Variants in WDR41 observed in about 807,000 individuals in gnomAD.
WDR41 encodes WD repeat-containing protein 41.
In WDR41, 63 loss-of-function variants were observed where a neutral mutation model predicts 69.3. The ratio of observed to expected loss-of-function variants is 0.91; its 90% CI spans 0.74 to 1.12. The LOEUF is 1.12. Ranked by LOEUF, WDR41 falls within the 50% of genes most tolerant of loss-of-function variation. WDR41 has a pLI of 0.00. For missense variants in WDR41, 543 were observed against 534.5 expected (o/e 1.02, Z -0.16); for synonymous variants, 185 against 192.1 (o/e 0.96, Z 0.31).
intron 1 of WDR41, among the ~76,000 whole-genome samples, chr5:77,607,314 G>A (rs545134178): frequency 6.8e-4 from 104 of 152,214 alleles, no homozygotes; most frequent in African/African-American, 2.5e-3. Flanking sequence ...AACTTCCACA[G>A]GACTTAAGTT....
intron 1 of WDR41, among the ~76,000 whole-genome samples, chr5:77,530,744 T>A (rs1018809597): frequency 6.6e-6 from 1 of 151,766 alleles, no homozygotes; most frequent in Non-Finnish European, 1.5e-5. Flanking sequence ...ATATGTAAAA[T>A]TTACATTAAA....
chr5:77,574,597 T>C (rs1473504413), intron 1 of WDR41, among the ~76,000 whole-genome samples: 4 of 152,210 alleles, frequency 2.6e-5, no homozygotes, highest in African/African-American at 9.6e-5. Flanking sequence ...TGCTTTGACT[T>C]GATTTTAAAG....
intron 1 of WDR41, among the ~76,000 whole-genome samples, chr5:77,600,464 T>A (rs1368257748): frequency 1.3e-5 from 2 of 152,186 alleles, no homozygotes; most frequent in East Asian, 3.8e-4. Context: ...CGAAAAGGCA[T>A]AAGGGGATTT....
In WDR41 at chr5:77,433,150, TA is replaced by T. The variant is rs762514848; in HGVS notation, c.1364del (p.Leu455TyrfsTer10). ...ATTCCTTAAACTAGACAGCAAGGTA[TA>T]AGTCACCATTCTCCTCTAATTTTTG... ...LFQKLEENGD[L>X]YLAV On this transcript the variant is annotated frameshift_variant, in exon 13 of 13. Transcript: ENST00000296679. LOFTEE classifies it high-confidence loss of function. 3 of 1,613,258 alleles carry T rather than the reference TA, an allele frequency of 1.9e-6. No homozygotes were observed. In the African/African-American group the frequency reaches 4.0e-5, roughly 22 times the overall value.
chr5:77,615,885 C>T (rs534186433), intron 1 of WDR41, among the ~76,000 whole-genome samples: 7 of 151,842 alleles, frequency 4.6e-5, no homozygotes, highest in Non-Finnish European at 8.8e-5. Flanking sequence ...CCCAGATACT[C>T]GGGAGGCTGA....
intron 1 of WDR41, among the ~76,000 whole-genome samples, chr5:77,560,091 T>C (rs1200125270): frequency 6.6e-6 from 1 of 152,208 alleles, no homozygotes; most frequent in Admixed American, 6.5e-5. Context: ...ATTGAAAGGC[T>C]TGCTCAAATT....
intron 2 of WDR41, among the ~76,000 whole-genome samples, chr5:77,466,460 A>C (rs1454089594): frequency 6.6e-6 from 1 of 151,828 alleles, no homozygotes; most frequent in East Asian, 1.9e-4. Flanking sequence ...ATAAAACATC[A>C]ATTTCTATTG....
At chr5:77,584,077 A>G (rs1354067822) in intron 1 of WDR41, among the ~76,000 whole-genome samples, 6 of 152,214 alleles carry the variant, frequency 3.9e-5, no homozygotes, top group Admixed American at 3.9e-4. Context: ...CTAGGAATAG[A>G]GAAGAATTTC....
intron 1 of WDR41, among the ~76,000 whole-genome samples, chr5:77,561,413 A>G (rs1743522132): frequency 6.6e-6 from 1 of 152,190 alleles, no homozygotes. Flanking sequence ...AAAATTCATG[A>G]AGTAGAGAGT....
At chr5:77,468,035 A>C (rs1369814857) in intron 2 of WDR41, among the ~76,000 whole-genome samples, 1 of 151,504 alleles carries the variant, frequency 6.6e-6, no homozygotes, top group East Asian at 2.0e-4. Context: ...AACAAAAAAA[A>C]CCCAAGTTGT....
chr5:77,580,585 A>G (rs1743920404), intron 1 of WDR41, among the ~76,000 whole-genome samples: 1 of 152,224 alleles, frequency 6.6e-6, no homozygotes, highest in Admixed American at 6.5e-5. Context: ...CATGAAAGAA[A>G]TGAAAATACT....
At chr5:77,594,783 G>A (rs574342006) in intron 1 of WDR41, among the ~76,000 whole-genome samples, 24 of 152,182 alleles carry the variant, frequency 1.6e-4, no homozygotes, top group Non-Finnish European at 3.1e-4. Flanking sequence ...TTATTTGAAT[G>A]CAGCCTGCAT....
intron 1 of WDR41, among the ~76,000 whole-genome samples, chr5:77,558,094 T>TAAAAAAAAAAAAAA (rs71608105): frequency 4.8e-5 from 5 of 104,304 alleles, no homozygotes; most frequent in African/African-American, 1.4e-4. Flanking sequence ...ATGTTCTTTT[T>TAAAAAAAAAAAAAA]AAAAAAAAAA....
rs549418394 is a variant in WDR41, at chr5:77,475,172, A to G, written c.168-10363T>C. 1.5e-3 allele frequency among the ~76,000 whole-genome samples: 234 copies of G among 152,328 alleles called. 4 individuals carry two copies. Among genetic ancestry groups the G allele is most frequent in the African/African-American group, 5.5e-3 (230 of 41,576 alleles). On this transcript the variant is annotated intron_variant, in intron 2 of 12. Transcript: ENST00000296679. Reference sequence around the variant, plus strand: ...ACCTCACTTGGAGGGTCCTACGCCCACAGAGTCTCGCTAATTGCTAGCACA... The same window carrying G: ...ACCTCACTTGGAGGGTCCTACGCCCGCAGAGTCTCGCTAATTGCTAGCACA...
chr5:77,523,115 A>T (rs536483849), intron 1 of WDR41, among the ~76,000 whole-genome samples: 1 of 152,206 alleles, frequency 6.6e-6, no homozygotes, highest in African/African-American at 2.4e-5. Flanking sequence ...GGAGTTTGAG[A>T]CCAACCTGGC....
Position 77,512,745 on chromosome 5 carries a change from C to CAAAAAAAAAAAAA in WDR41, c.43-23186_43-23174dup, listed in dbSNP as rs71606301. Among the ~76,000 whole-genome samples the CAAAAAAAAAAAAA allele has an allele frequency of 6.0e-3, 447 of 74,012 alleles. 5 individuals carry two copies. The highest frequency in any genetic ancestry group is 0.012 in the African/African-American group (247 of 20,764). 48.6% of individuals were successfully genotyped at this position (74,012 alleles called of 152,430 possible). On this transcript the variant is annotated intron_variant, in intron 1 of 5. Coordinates refer to the WDR41 transcript ENST00000509971. Reference sequence around the variant, plus strand: ...TGGCGAGAGAGCGAAGACTCCATCTCAAAAAAAAAAAAAAAAAAAAATTGG... The same window carrying CAAAAAAAAAAAAA: ...TGGCGAGAGAGCGAAGACTCCATCTCAAAAAAAAAAAAAAAAAAAAAAAAAAAAAAAAAATTGG...
chr5:77,433,474 TTTGTTAATA>T (rs1798807864), intron 12 of WDR41, among the ~76,000 whole-genome samples, 187 bp from the exon 13 acceptor site: 1 of 152,214 alleles, frequency 6.6e-6, no homozygotes, highest in Non-Finnish European at 1.5e-5. Context: ...TAATCAGAAT[TTTGTTAATA>T]TTGTTCAACT....
intron 5 of WDR41, among the ~76,000 whole-genome samples, chr5:77,456,725 AGGG>A (rs1373562384): frequency 1.3e-5 from 2 of 152,088 alleles, no homozygotes; most frequent in Non-Finnish European, 2.9e-5. Context: ...TTTTTGAGAC[AGGG>A]TCTTGCTCTA....
intron 2 of WDR41, among the ~76,000 whole-genome samples, chr5:77,466,574 A>G (rs1238809630): frequency 6.6e-6 from 1 of 151,886 alleles, no homozygotes; most frequent in Non-Finnish European, 1.5e-5. Flanking sequence ...ATCATGTTTG[A>G]CTTTCATGAG....
Sources: allele counts gnomAD v4.1 joint callset (sites outside exome capture counted in the v4.1 genomes callset), GRCh38; gene constraint gnomAD v4.1.1; transcripts MANE v1.5; gene names NCBI Gene and HGNC (gene_info 2026-07-23, HGNC 2026-07-21).